The following SPMIP3 variants were observed in gnomAD, a reference collection of about 807,000 sequenced individuals.
SPMIP3 encodes the protein sperm microtubule inner protein 3.
chr1:244,371,989 A>G, the SPMIP3 span, among the ~76,000 whole-genome samples: 4 of 152,222 alleles, frequency 2.6e-5, no homozygotes, highest in Non-Finnish European at 1.5e-5. Flanking sequence ...CAGAGCTCCC[A>G]GAGGTCGTCT....
At chr1:244,359,103 A>T in the SPMIP3 span, among the ~76,000 whole-genome samples, 25 of 150,860 alleles carry the variant, frequency 1.7e-4, no homozygotes, top group African/African-American at 6.1e-4. Flanking sequence ...ATTGCAAACT[A>T]CACTTCCTTA....
chr1:244,381,697 G>A, the SPMIP3 span, among the ~76,000 whole-genome samples: 5 of 152,174 alleles, frequency 3.3e-5, no homozygotes, highest in Non-Finnish European at 7.3e-5. Context: ...TTGCAAGGCC[G>A]AAGCGGGAGG....
At chr1:244,389,330 T>G in the SPMIP3 span, 1 of 264,556 alleles carries the variant, frequency 3.8e-6, no homozygotes, top group Non-Finnish European at 7.4e-6. Context: ...TTTAGGCCAA[T>G]GTATACGCAG....
the SPMIP3 span, among the ~76,000 whole-genome samples, chr1:244,374,890 G>A: frequency 1.3e-5 from 2 of 151,846 alleles, no homozygotes; most frequent in African/African-American, 4.8e-5. Flanking sequence ...GAGCCACCGT[G>A]CCCAGCCCGA....
At chr1:244,360,654 C>G in the SPMIP3 span, among the ~76,000 whole-genome samples, 1 of 151,932 alleles carries the variant, frequency 6.6e-6, no homozygotes, top group East Asian at 1.9e-4. Context: ...AAGGCTGAGG[C>G]GGGAGGATCA....
the SPMIP3 span, among the ~76,000 whole-genome samples, chr1:244,369,111 G>A: frequency 6.6e-6 from 1 of 152,062 alleles, no homozygotes; most frequent in Non-Finnish European, 1.5e-5. Flanking sequence ...AGTGAGCCAA[G>A]ATTGCACCAC....
the SPMIP3 span, among the ~76,000 whole-genome samples, chr1:244,357,081 C>T: frequency 6.6e-6 from 1 of 151,766 alleles, no homozygotes; most frequent in African/African-American, 2.4e-5. Flanking sequence ...TGCCACCTGC[C>T]CAGATAATTA....
At chr1:244,373,699 A>G in the SPMIP3 span, among the ~76,000 whole-genome samples, 3 of 151,932 alleles carry the variant, frequency 2.0e-5, no homozygotes, top group East Asian at 2.0e-4. Flanking sequence ...TGCAAAAGTA[A>G]TTGCAGTTTT....
the SPMIP3 span, among the ~76,000 whole-genome samples, chr1:244,359,503 C>T: frequency 6.6e-6 from 1 of 152,138 alleles, no homozygotes; most frequent in Non-Finnish European, 1.5e-5. Flanking sequence ...GGGCAGATCA[C>T]CTGAGGGCAA....
the SPMIP3 span, chr1:244,375,515 C>A: frequency 6.6e-7 from 1 of 1,511,940 alleles, no homozygotes; most frequent in Non-Finnish European, 9.2e-7. Context: ...ACGAAAGCTA[C>A]AATGATAAAA....
chr1:244,381,231 T>C, the SPMIP3 span, among the ~76,000 whole-genome samples: 4 of 152,032 alleles, frequency 2.6e-5, no homozygotes, highest in Admixed American at 2.6e-4. Flanking sequence ...AAAGCATCAA[T>C]GGGGTTCCGG....
the SPMIP3 span, among the ~76,000 whole-genome samples, chr1:244,379,754 C>A: frequency 6.6e-6 from 1 of 151,980 alleles, no homozygotes; most frequent in African/African-American, 2.4e-5. Context: ...CCGAGGCAGG[C>A]GGATCACCTG....
At chr1:244,361,266 G>A in the SPMIP3 span, among the ~76,000 whole-genome samples, 1 of 107,262 alleles carries the variant, frequency 9.3e-6, no homozygotes, top group South Asian at 3.3e-4. Context: ...GTCTTCCTCT[G>A]TTGCCCAGGC....
chr1:244,374,794 C>T, the SPMIP3 span, among the ~76,000 whole-genome samples: 1 of 151,730 alleles, frequency 6.6e-6, no homozygotes, highest in Non-Finnish European at 1.5e-5. Context: ...GATGGGGTTT[C>T]ACCATGTTGG....
At chr1:244,376,727 G>A in the SPMIP3 span, among the ~76,000 whole-genome samples, 2 of 152,086 alleles carry the variant, frequency 1.3e-5, no homozygotes, top group African/African-American at 2.4e-5. Context: ...TCAATTCAAT[G>A]CATAATTCAA....
chr1:244,364,714 G>A, the SPMIP3 span: 104 of 1,613,716 alleles, frequency 6.4e-5, no homozygotes, highest in East Asian at 1.3e-4. Context: ...ACTGCCATCC[G>A]ACTACGAGAA....
At chr1:244,360,338 A>C in the SPMIP3 span, among the ~76,000 whole-genome samples, 1 of 152,156 alleles carries the variant, frequency 6.6e-6, no homozygotes, top group African/African-American at 2.4e-5. Flanking sequence ...AAATAGAACT[A>C]CCATATGATC....
At chr1:244,386,907 G>A in the SPMIP3 span, among the ~76,000 whole-genome samples, 2 of 152,142 alleles carry the variant, frequency 1.3e-5, no homozygotes. Flanking sequence ...GTATACTTGG[G>A]CAAATTAATC....
At chr1:244,389,034 A>G in the SPMIP3 span, 1 of 1,613,840 alleles carries the variant, frequency 6.2e-7, no homozygotes. Context: ...TGAAGAGAGA[A>G]GCAGCTTTGA....
Sources: allele counts gnomAD v4.1 joint callset (sites outside exome capture counted in the v4.1 genomes callset), GRCh38; gene constraint gnomAD v4.1.1; transcripts MANE v1.5; gene names NCBI Gene and HGNC (gene_info 2026-07-23, HGNC 2026-07-21).